LIPE: variants seen among roughly 807,000 people sequenced by gnomAD.
LIPE encodes hormone-sensitive lipase.
In LIPE, 66 loss-of-function variants were observed where a neutral mutation model predicts 88.5. The ratio of observed to expected loss-of-function variants is 0.75; its 90% CI spans 0.61 to 0.91. The LOEUF (loss-of-function observed/expected upper bound fraction) is 0.91, where lower values mean the gene tolerates loss of function less well. Ranked by LOEUF, LIPE falls within the 40% of genes least tolerant of loss-of-function variation. The pLI, the probability that LIPE is intolerant of heterozygous loss-of-function variation, is 0.00. For synonymous variants in LIPE, 570 were observed against 617.5 expected (o/e 0.92, Z 1.14); for missense variants, 1,346 against 1,434.7 (o/e 0.94, Z 1.00).
chr19:42,416,982 G>T (rs1015985508), intron 1 of LIPE, among the ~76,000 whole-genome samples: 15 of 152,156 alleles, frequency 9.9e-5, no homozygotes, highest in Admixed American at 3.3e-4. Context: ...GTGCAGTGGC[G>T]CAATCTCAGC....
In LIPE at chr19:42,408,373, C is replaced by T; in HGVS notation, c.1420-51G>A. 6.8e-7 allele frequency: 1 copy of T among 1,470,230 alleles called. No individual in the cohort carries two copies. Among genetic ancestry groups the T allele is most frequent in the Non-Finnish European group, 9.5e-7 (1 of 1,050,162 alleles). The allele number at this position is 1,470,230 out of a possible 1,614,324, so 91.1% of individuals were successfully genotyped here. A position where few individuals can be genotyped will look rare whatever the true frequency, so the allele number is the denominator to read the frequency against. ...CCACCGCTCAAGAGAGGGATGGGGA[C>T]AGGGCAGGAGCGAGGCACAGGGATG... On this transcript the variant is annotated intron_variant, in intron 2 of 9. Coordinates refer to ENST00000244289, the MANE Select transcript of LIPE (RefSeq NM_005357.4). This position sits in a 1 kb window ranked among gnomAD's most constrained non-coding sequence, Gnocchi z 4.3.
chr19:42,407,254 G>A lies in LIPE; in HGVS notation c.2057C>T (p.Ala686Val), dbSNP rs761118421. 3.8e-6 allele frequency: 6 copies of A among 1,598,164 alleles called. No individual in the cohort carries two copies. The highest frequency in any genetic ancestry group is 5.1e-6 in the Non-Finnish European group (6 of 1,172,640). Residue 686 changes from alanine (A) to valine (V), a missense_variant, in exon 6 of 10, where the codon GCC (alanine) becomes GTC (valine). Coordinates refer to ENST00000244289, the MANE Select transcript of LIPE (RefSeq NM_005357.4). This position sits in a 1 kb window ranked among gnomAD's most constrained non-coding sequence, Gnocchi z 5.8. ...CGCACGGGGGAAGGGGGCCTCAGGG[G>A]CCAGGGAGTAGTCGATGGAGATGAT... is the stretch of plus-strand genomic sequence containing the variant. ...APIISIDYSL[A>V]PEAPFPRALE... is the part of the protein sequence containing the mutation.
rs1281049135 is a variant in LIPE at position 42,406,072 on chromosome 19, C to T, written c.2365+89G>A. Reference sequence around the variant, plus strand: ...TTCCTCTGCCTGGCCTCTCCTTCCTCAGTCACAGGAGTCCTGGTCCCCAGC... The same window carrying T: ...TTCCTCTGCCTGGCCTCTCCTTCCTTAGTCACAGGAGTCCTGGTCCCCAGC... On this transcript the variant is annotated intron_variant, in intron 7 of 9. Transcript: ENST00000244289. The surrounding 1 kb of genome is among the most constrained non-coding windows in gnomAD (Gnocchi z 5.7). 2.6e-6 allele frequency: 3 copies of T among 1,153,546 alleles called. No individual in the cohort carries two copies. The highest frequency in any genetic ancestry group is 3.7e-6 in the Non-Finnish European group (3 of 805,554). The allele number at this position is 1,153,546 out of a possible 1,614,324, so 71.5% of individuals were successfully genotyped here.
rs2040351865 is a variant in LIPE, at chr19:42,410,741, C to T, written c.985G>A (p.Glu329Lys). Residue 329 changes from glutamate (E) to lysine (K), a missense_variant, in exon 2 of 10, where the codon GAA becomes AAA. Physicochemically the swap from Glu to Lys is moderately conservative, Grantham distance 56. Coordinates refer to ENST00000244289, the MANE Select transcript of LIPE (RefSeq NM_005357.4). This position sits in a 1 kb window ranked among gnomAD's most constrained non-coding sequence, Gnocchi z 6.1. Reference protein sequence around the residue: ...IAFFSSQGPGETAQRLSGVFA... With the variant: ...IAFFSSQGPGKTAQRLSGVFA... ...ACGCCTGACAGCCGCTGGGCCGTTT[C>T]CCCAGGACCCTGGCTCGAGAAGAAG... 6.2e-7 allele frequency: 1 copy of T among 1,613,722 alleles called. No homozygotes were observed. The highest frequency in any genetic ancestry group is 8.5e-7 in the Non-Finnish European group (1 of 1,179,686).
chr19:42,402,466 G>A lies in LIPE; in HGVS notation c.2967+141C>T, dbSNP rs970854214. On this transcript the variant is annotated intron_variant, in intron 9 of 9. Transcript: ENST00000244289. The stretch of plus-strand genomic sequence containing the variant: ...CCTCCTCCCGTTCGTTCGGGGCATT[G>A]TTCTCCCCTGGGGACACGCCTGTCC... 4 of 714,108 alleles carry A rather than the reference G, an allele frequency of 5.6e-6. No homozygotes were observed. The African/African-American group carries it at 7.4e-5, about 13-fold the overall frequency. The allele number at this position is 714,108 out of a possible 1,614,324, so 44.2% of individuals were successfully genotyped here. A position where few individuals can be genotyped will look rare whatever the true frequency, so the allele number is the denominator to read the frequency against.
rs761307158 is a variant in LIPE, at chr19:42,410,702, G to A, written c.1024C>T (p.Arg342Trp). Reference sequence around the variant, plus strand: ...GGCTCCAGCCCCAGCGCCTGCTCCCGTACACCGGCAAAAACGCCTGACAGC... The same window carrying A: ...GGCTCCAGCCCCAGCGCCTGCTCCCATACACCGGCAAAAACGCCTGACAGC... ...QRLSGVFAGV[R>W]EQALGLEPAL... Residue 342 changes from arginine (R) to tryptophan (W), a missense_variant, in exon 2 of 10, where the codon CGG becomes TGG. By Grantham distance (101) the Arg-to-Trp change is moderately radical. Coordinates refer to ENST00000244289, the MANE Select transcript of LIPE (RefSeq NM_005357.4). The surrounding 1 kb of genome is among the most constrained non-coding windows in gnomAD (Gnocchi z 6.1). The A allele has an allele frequency of 2.4e-5, 38 of 1,613,480 alleles. 1 individual carries two copies. Among genetic ancestry groups the A allele is most frequent in the Admixed American group, 2.0e-4 (12 of 59,990 alleles).
chr19:42,403,914 G>A (rs185601035), intron 8 of LIPE, among the ~76,000 whole-genome samples: 2 of 152,140 alleles, frequency 1.3e-5, no homozygotes, highest in East Asian at 1.9e-4. Context: ...AGTTTTATCC[G>A]TTCACGTGAC....
intron 1 of LIPE, chr19:42,423,835 C>A: frequency 9.0e-7 from 1 of 1,109,054 alleles, no homozygotes; most frequent in Non-Finnish European, 1.1e-6. Context: ...TGCGGAGCCC[C>A]GCGGGGAGCA....
chr19:42,405,498 C>T lies in LIPE; in HGVS notation c.2429G>A (p.Arg810Gln), dbSNP rs150433777. ...QKALGMMGLVRRDTALLLRDF... is the reference protein window; with the variant it reads ...QKALGMMGLVQRDTALLLRDF... ...TCGGAGGAGCAGGGCTGTGTCCCGC[C>T]GCACCAGCCCCATCATGCCGAGGGC... Residue 810 changes from arginine to glutamine, a missense_variant, in exon 8 of 10, where the codon CGG becomes CAG. Arg to Gln is a conservative substitution (Grantham distance 43, BLOSUM62 1). Transcript: ENST00000244289. The T allele has an allele frequency of 3.6e-4, 577 of 1,614,058 alleles. No individual in the cohort carries two copies. The highest frequency in any genetic ancestry group is 4.7e-4 in the Non-Finnish European group (557 of 1,180,004).
At chr19:42,424,215 G>A in intron 1 of LIPE, 1 of 869,404 alleles carries the variant, frequency 1.2e-6, no homozygotes, top group Non-Finnish European at 1.6e-6. Context: ...GTGGGGGATG[G>A]TGGTAGGAGA....
At chr19:42,404,738 CA>C (rs2147579682) in intron 8 of LIPE, among the ~76,000 whole-genome samples, 1 of 152,348 alleles carries the variant, frequency 6.6e-6, no homozygotes, top group African/African-American at 2.4e-5. Flanking sequence ...CTTTGTGGCC[CA>C]GAGGGTCACT....
At chr19:42,426,083 T>C (rs1220448303) in intron 1 of LIPE, among the ~76,000 whole-genome samples, 184 bp downstream of exon 1, 4 of 148,584 alleles carry the variant, frequency 2.7e-5, no homozygotes, top group Admixed American at 2.0e-4. Flanking sequence ...ATTACAGGTG[T>C]GAGCCACTGC....
At position 42,402,667 on chromosome 19, in the gene LIPE, G is replaced by A; in HGVS notation, c.2907C>T (p.Phe969=). ...TGTCGGGTGCCAGCAGCGGCGACAT[G>A]AAGGGGTTCTTGACTATGGGTGAGG... The part of the protein sequence containing the change: ...LYSSPIVKNP[F]MSPLLAPDSM... Residue 969 remains phenylalanine, a synonymous_variant, in exon 9 of 10, where the codon TTC becomes TTT. Coordinates refer to ENST00000244289, the MANE Select transcript of LIPE (RefSeq NM_005357.4). The A allele has an allele frequency of 6.7e-7, 1 of 1,502,550 alleles. No homozygotes were observed. 93.1% of individuals were successfully genotyped at this position (1,502,550 alleles called of 1,614,324 possible).
At position 42,427,101 on chromosome 19, in the gene LIPE, G is replaced by A. The variant is rs1275555937; in HGVS notation, c.49C>T (p.Pro17Ser). Residue 17 changes from proline to serine, a missense_variant, in exon 1 of 10, where the codon CCA (proline) becomes TCA (serine). By Grantham distance (74) the Pro-to-Ser change is moderately conservative. Coordinates refer to ENST00000244289, the MANE Select transcript of LIPE (RefSeq NM_005357.4). ...SVSRSDWQPE[P>S]HQRPITPLEP... The stretch of plus-strand genomic sequence containing the variant: ...AGCGGGGTTATAGGCCTCTGGTGTG[G>A]TTCAGGTTGCCAGTCTGACCTAGAC... 6.2e-7 allele frequency: 1 copy of A among 1,612,212 alleles called. No individual in the cohort carries two copies. The highest frequency in any genetic ancestry group is 1.7e-5 in the Admixed American group (1 of 59,362).
At chr19:42,402,112 G>A (rs1247033413) in intron 9 of LIPE, 37 bp from the exon 10 acceptor site, 17 of 1,430,680 alleles carry the variant, frequency 1.2e-5, no homozygotes, top group Non-Finnish European at 1.6e-5. Context: ...AGAGAGGGTG[G>A]GGGACAGACA....
At chr19:42,423,534 C>T (rs1356843857) in intron 1 of LIPE, 2 of 1,253,512 alleles carry the variant, frequency 1.6e-6, no homozygotes, top group Admixed American at 2.8e-5. Flanking sequence ...CGGCCAACTC[C>T]ATCAATTCCC....
rs34147230 is a variant in LIPE, at chr19:42,413,757, A to G, written c.884-2915T>C. Among the ~76,000 whole-genome samples, 1,196 of 152,278 alleles carry G rather than the reference A, an allele frequency of 7.9e-3. 16 individuals carry two copies. Among genetic ancestry groups the G allele is most frequent in the African/African-American group, 0.027 (1,127 of 41,566 alleles). ...GGGTCATTTGCTTGGCTGGAAGTGAATCTTCTGTCCCGGACTGTCATCCCC... is the reference window on the plus strand; with the variant it reads ...GGGTCATTTGCTTGGCTGGAAGTGAGTCTTCTGTCCCGGACTGTCATCCCC... On this transcript the variant is annotated intron_variant, in intron 1 of 9. Transcript: ENST00000244289.
chr19:42,427,293 C>T lies in LIPE; in HGVS notation c.-144G>A. On this transcript the variant is annotated 5_prime_UTR_variant, in exon 1 of 10. Transcript: ENST00000244289. ...TTCACTCCATCCTAGCATCACTGGT[C>T]TTCCTTTTTAAGGCAGCTGGCAGTT... The T allele has an allele frequency of 7.1e-7, 1 of 1,406,748 alleles. No individual in the cohort carries two copies. Among genetic ancestry groups the T allele is most frequent in the Non-Finnish European group, 9.2e-7 (1 of 1,083,728 alleles). 87.1% of individuals were successfully genotyped at this position (1,406,748 alleles called of 1,614,324 possible).
chr19:42,416,871 A>C (rs1236735679), intron 1 of LIPE, among the ~76,000 whole-genome samples: 2 of 152,248 alleles, frequency 1.3e-5, no homozygotes, highest in African/African-American at 4.8e-5. Context: ...TCTGTTCTGC[A>C]GCCCACCAGC....
Sources: allele counts gnomAD v4.1 joint callset (sites outside exome capture counted in the v4.1 genomes callset), GRCh38; gene constraint gnomAD v4.1.1; non-coding constraint Gnocchi (gnomAD v3.1); transcripts MANE v1.5; gene names NCBI Gene and HGNC (gene_info 2026-07-23, HGNC 2026-07-21).